Variants in CNTN3 observed in about 807,000 individuals in gnomAD.
CNTN3 encodes the protein contactin-3.
A neutral mutation model predicts 119.1 loss-of-function variants in CNTN3; 60 were observed. The ratio of observed to expected loss-of-function variants is 0.50; its 90% CI spans 0.41 to 0.62. The LOEUF is 0.62. Among genes scored for constraint, CNTN3 ranks in the 20% least tolerant of loss-of-function variants. The probability of loss-of-function intolerance (pLI) is 0.00; values close to 1 mark genes in which losing one functional copy is unlikely to be tolerated. For synonymous variants in CNTN3, 450 were observed against 438.7 expected, an observed-to-expected ratio of 1.03 and a Z score of -0.32; for missense variants, 1,101 against 1,242.4, an observed-to-expected ratio of 0.89 and a Z score of 1.71.
At chr3:74,552,056 G>A (rs576493337) in intron 1 of CNTN3, among the ~76,000 whole-genome samples, 2 of 152,124 alleles carry the variant, frequency 1.3e-5, no homozygotes, top group South Asian at 2.1e-4. Flanking sequence ...GAGCCACTGC[G>A]CCTAGCCGGA....
intron 5 of CNTN3, among the ~76,000 whole-genome samples, chr3:74,407,348 AACCTCC>A (rs1240630748): frequency 7.2e-6 from 1 of 139,410 alleles, no homozygotes; most frequent in Non-Finnish European, 1.5e-5. Flanking sequence ...AGCTCACCAT[AACCTCC>A]ACCTCCTGGG....
At chr3:74,375,428 A>G (rs530314608) in intron 5 of CNTN3, among the ~76,000 whole-genome samples, 2 of 152,248 alleles carry the variant, frequency 1.3e-5, no homozygotes, top group Admixed American at 1.3e-4. Context: ...TCCCCAGAAA[A>G]AGTCGACATT....
chr3:74,594,518 C>T (rs1209530831), intron 1 of CNTN3, among the ~76,000 whole-genome samples: 1 of 151,726 alleles, frequency 6.6e-6, no homozygotes, highest in African/African-American at 2.4e-5. Flanking sequence ...TGTTCAATTC[C>T]CATCTATGAG....
At chr3:74,452,382 C>T (rs1702176093) in intron 4 of CNTN3, among the ~76,000 whole-genome samples, 1 of 131,450 alleles carries the variant, frequency 7.6e-6, no homozygotes, top group Non-Finnish European at 1.6e-5. Context: ...TGAGACTTTG[C>T]TGAAGTTGCT....
At chr3:74,426,614 C>G (rs1251588776) in intron 4 of CNTN3, among the ~76,000 whole-genome samples, 1 of 152,168 alleles carries the variant, frequency 6.6e-6, no homozygotes, top group Non-Finnish European at 1.5e-5. Flanking sequence ...CAGCAAAACT[C>G]TCTTGTGTGT....
chr3:74,581,582 C>T (rs1423912026), intron 1 of CNTN3, among the ~76,000 whole-genome samples: 3 of 152,132 alleles, frequency 2.0e-5, no homozygotes, highest in Non-Finnish European at 2.9e-5. Context: ...CAATTCATTT[C>T]GAACTCCCAA....
At position 74,365,551 on chromosome 3, in the gene CNTN3, T is replaced by C. The variant is rs1312578587; in HGVS notation, c.1083+15A>G. 1.2e-6 allele frequency: 2 copies of C among 1,612,884 alleles called. No individual in the cohort carries two copies. The highest frequency in any genetic ancestry group is 2.7e-5 in the African/African-American group (2 of 74,820). On this transcript the variant is annotated intron_variant, in intron 9 of 22. Coordinates refer to ENST00000263665, the MANE Select transcript of CNTN3 (RefSeq NM_020872.3). Reference sequence around the variant, plus strand: ...ACCAGGCCTCTAAACCCATTTTAGGTCCATGTTACCTTACCTCTAGCACCA... The same window carrying C: ...ACCAGGCCTCTAAACCCATTTTAGGCCCATGTTACCTTACCTCTAGCACCA...
At chr3:74,570,394 T>A (rs1704294023) in intron 1 of CNTN3, among the ~76,000 whole-genome samples, 1 of 152,060 alleles carries the variant, frequency 6.6e-6, no homozygotes, top group Non-Finnish European at 1.5e-5. Context: ...ATTCTGTTCA[T>A]GTAGAGAATT....
At chr3:74,551,536 T>A (rs961918139) in intron 1 of CNTN3, among the ~76,000 whole-genome samples, 1 of 152,020 alleles carries the variant, frequency 6.6e-6, no homozygotes, top group Admixed American at 6.6e-5. Flanking sequence ...TCCTACATTC[T>A]ATGGATTTGG....
intron 1 of CNTN3, among the ~76,000 whole-genome samples, chr3:74,568,773 T>C (rs1346906189): frequency 6.6e-6 from 1 of 152,224 alleles, no homozygotes; most frequent in Admixed American, 6.5e-5. Flanking sequence ...TTCTTTGTTT[T>C]ATTTCTCATT....
intron 4 of CNTN3, among the ~76,000 whole-genome samples, chr3:74,439,774 A>T (rs1323900897): frequency 6.6e-6 from 1 of 152,170 alleles, no homozygotes; most frequent in African/African-American, 2.4e-5. Context: ...AAGGTGAAAA[A>T]GATAATATGT....
chr3:74,302,624 T>C (rs1702481888), intron 14 of CNTN3, 66 bp downstream of exon 14: 1 of 938,942 alleles, frequency 1.1e-6, no homozygotes, highest in African/African-American at 1.6e-5. Flanking sequence ...CATCATGGTT[T>C]TTCCTCCAGT....
In CNTN3 at chr3:74,396,085, CTT is replaced by C. The variant is rs543994377; in HGVS notation, c.455-24688_455-24687del. Among the ~76,000 whole-genome samples, 4 of 152,252 alleles carry C rather than the reference CTT, an allele frequency of 2.6e-5. No homozygotes were observed. The East Asian group carries it at 5.8e-4, about 22-fold the overall frequency. ...TCTCTCTCTCTTTTCTCCTCTCTCT[CTT>C]GTTGGGCCTCCCTATTTGCCGAGAC... On this transcript the variant is annotated intron_variant, in intron 5 of 22. Transcript: ENST00000263665.
intron 1 of CNTN3, among the ~76,000 whole-genome samples, chr3:74,599,554 T>A (rs1704874393): frequency 6.6e-6 from 1 of 151,996 alleles, no homozygotes; most frequent in South Asian, 2.1e-4. Context: ...CACATGTAGA[T>A]CCCTCACATA....
rs903696285 is a variant in CNTN3 at position 74,379,774 on chromosome 3, G to T, written c.455-8375C>A. Among the ~76,000 whole-genome samples the T allele has an allele frequency of 2.0e-5, 3 of 152,154 alleles. No individual in the cohort carries two copies. In the East Asian group the frequency reaches 5.8e-4, roughly 29 times the overall value. On this transcript the variant is annotated intron_variant, in intron 5 of 22. Coordinates refer to ENST00000263665, the MANE Select transcript of CNTN3 (RefSeq NM_020872.3). ...AATTCAAAGACACTCAAAACAGGAT[G>T]CCCAGCAATGGCTTGGGGGGACTGA...
rs368390035 is a variant in CNTN3, at chr3:74,463,504, G to A, written c.358+22952C>T. Among the ~76,000 whole-genome samples the A allele has an allele frequency of 9.2e-5, 14 of 152,126 alleles. No homozygotes were observed. The East Asian group carries it at 1.7e-3, about 19-fold the overall frequency. On this transcript the variant is annotated intron_variant, in intron 4 of 22. Coordinates refer to ENST00000263665, the MANE Select transcript of CNTN3 (RefSeq NM_020872.3). ...TCTCATTATGATGCCGACCCCCTTCGTGAATGCCACTATGAGGAACTAATT... is the reference window on the plus strand; with the variant it reads ...TCTCATTATGATGCCGACCCCCTTCATGAATGCCACTATGAGGAACTAATT...
intron 1 of CNTN3, among the ~76,000 whole-genome samples, chr3:74,533,622 C>A (rs528935018): frequency 1.3e-5 from 2 of 151,918 alleles, no homozygotes; most frequent in Non-Finnish European, 2.9e-5. Context: ...CATACAGATG[C>A]CTGAATCTAG....
intron 18 of CNTN3, among the ~76,000 whole-genome samples, chr3:74,296,419 G>C (rs1702339751): frequency 6.6e-6 from 1 of 152,010 alleles, no homozygotes; most frequent in Admixed American, 6.6e-5. Flanking sequence ...GCAATCCCTG[G>C]CAGCTTTTAG....
At chr3:74,457,405 G>C (rs530331269) in intron 4 of CNTN3, among the ~76,000 whole-genome samples, 2 of 152,034 alleles carry the variant, frequency 1.3e-5, no homozygotes, top group South Asian at 4.1e-4. Context: ...TCAACTATGT[G>C]CCTAAGGAAA....
Sources: gnomAD v4.1 joint callset for allele counts (sites outside exome capture counted in the v4.1 genomes callset) on GRCh38, gnomAD v4.1.1 for gene constraint, MANE v1.5 for transcripts, NCBI Gene and HGNC (gene_info 2026-07-23, HGNC 2026-07-21) for gene names.